Variants in SYT1 observed in about 807,000 individuals in gnomAD.
SYT1 encodes synaptotagmin 1.
In SYT1, 8 loss-of-function variants were observed where a neutral mutation model predicts 44.8. The ratio of observed to expected loss-of-function variants is 0.18; its 90% confidence interval spans 0.10 to 0.32. The LOEUF (loss-of-function observed/expected upper bound fraction) is 0.32. Among genes scored for constraint, SYT1 ranks in the 10% least tolerant of loss-of-function variants. SYT1 has a pLI of 1.00. For missense variants in SYT1, 286 were observed against 509.3 expected, an observed-to-expected ratio of 0.56 and a Z score of 4.22; for synonymous variants, 154 against 188.8, an observed-to-expected ratio of 0.82 and a Z score of 1.51.
chr12:79,111,462 A>T (rs996279916), intron 3 of SYT1, among the ~76,000 whole-genome samples: 6 of 152,016 alleles, frequency 3.9e-5, no homozygotes, highest in Admixed American at 3.9e-4. Flanking sequence ...TTTTTTATTC[A>T]TCTTAACATA....
chr12:79,146,703 G>C (rs1039006378), intron 3 of SYT1, among the ~76,000 whole-genome samples: 10 of 152,198 alleles, frequency 6.6e-5, no homozygotes, highest in Admixed American at 6.5e-4. Context: ...CTTATGAAAT[G>C]ATATGGTAGA....
intron 9 of SYT1, among the ~76,000 whole-genome samples, chr12:79,428,916 TGTA>T (rs899736102): frequency 2.0e-5 from 3 of 152,138 alleles, no homozygotes; most frequent in African/African-American, 4.8e-5. Context: ...AGCTTCCAAT[TGTA>T]GTAGAAGAAA....
chr12:79,049,158 TTATGTA>T (rs1163556310), intron 3 of SYT1, among the ~76,000 whole-genome samples: 23 of 151,924 alleles, frequency 1.5e-4, no homozygotes. Context: ...CTGCGCTGAT[TTATGTA>T]TAAGTTATTT....
intron 3 of SYT1, among the ~76,000 whole-genome samples, chr12:79,098,142 A>G (rs998101074): frequency 3.3e-5 from 5 of 152,022 alleles, no homozygotes; most frequent in African/African-American, 1.2e-4. Context: ...TTCAATATTT[A>G]TATGAATGAG....
At chr12:79,345,557 T>C (rs1882571975) in intron 8 of SYT1, among the ~76,000 whole-genome samples, 1 of 152,202 alleles carries the variant, frequency 6.6e-6, no homozygotes, top group Non-Finnish European at 1.5e-5. Context: ...ACACTCTCTT[T>C]CACCTGAACA....
intron 1 of SYT1, among the ~76,000 whole-genome samples, chr12:78,962,089 G>A (rs1249671410): frequency 6.6e-6 from 1 of 151,968 alleles, no homozygotes; most frequent in Non-Finnish European, 1.5e-5. Flanking sequence ...GTTTGGCTTG[G>A]TTTGGTTTGA....
At chr12:79,253,520 TCTCTCA>T in intron 4 of SYT1, among the ~76,000 whole-genome samples, 1 of 140,950 alleles carries the variant, frequency 7.1e-6, no homozygotes, top group African/African-American at 2.8e-5. Context: ...TCTCTCTCTC[TCTCTCA>T]CCTCAGAAAG....
rs1335505540 is a variant in SYT1 at position 79,042,457 on chromosome 12, G to A, written c.-83-4840G>A. Among the ~76,000 whole-genome samples, 22 of 141,290 alleles carry A rather than the reference G, an allele frequency of 1.6e-4. 1 individual carries two copies. The highest frequency in any genetic ancestry group is 3.7e-3 in the Middle Eastern group (1 of 268). The allele number at this position is 141,290 out of a possible 152,430, so 92.7% of individuals were successfully genotyped here. A position where few individuals can be genotyped will look rare whatever the true frequency, so the allele number is the denominator to read the frequency against. ...TCTGATGGTAGTTTGTATTTCTGTG[G>A]GATCGGTGGTGATATCCCCTTTATC... On this transcript the variant is annotated intron_variant, in intron 2 of 10. Transcript: ENST00000261205.
At chr12:79,134,006 G>A (rs1226298266) in intron 3 of SYT1, among the ~76,000 whole-genome samples, 1 of 152,000 alleles carries the variant, frequency 6.6e-6, no homozygotes, top group Admixed American at 6.6e-5. Flanking sequence ...TTGAAGTGCT[G>A]GTCATGTGGC....
chr12:79,350,246 CTTTTTTTTTTTTTT>C (rs1166413638), intron 8 of SYT1, among the ~76,000 whole-genome samples: 1 of 97,564 alleles, frequency 1.0e-5, no homozygotes, highest in African/African-American at 4.3e-5. Flanking sequence ...GATGCATATT[CTTTTTTTTTTTTTT>C]TTTTTTTTTT....
At chr12:79,308,265 C>A (rs1367118342) in intron 8 of SYT1, among the ~76,000 whole-genome samples, 2 of 152,146 alleles carry the variant, frequency 1.3e-5, no homozygotes, top group African/African-American at 4.8e-5. Context: ...TGGCTCACGC[C>A]TGTAATCCCA....
Position 79,041,747 on chromosome 12 carries a change from T to C in SYT1, c.-83-5550T>C, listed in dbSNP as rs575610882. On this transcript the variant is annotated intron_variant, in intron 2 of 10. Coordinates refer to ENST00000261205, the MANE Select transcript of SYT1 (RefSeq NM_005639.3). ...TCCAGTTTTTGCCCATTCAGTATGA[T>C]ATTGGCTGTGGGTTTGTCATAGATA... 2.4e-3 allele frequency among the ~76,000 whole-genome samples: 366 copies of C among 151,066 alleles called. 2 individuals are homozygous for C. The highest frequency in any genetic ancestry group is 0.01 in the Middle Eastern group (3 of 292).
chr12:79,353,716 A>G (rs1460450590), intron 9 of SYT1, 97 bp downstream of exon 9: 152 of 878,290 alleles, frequency 1.7e-4, no homozygotes, highest in Non-Finnish European at 3.1e-5. Flanking sequence ...TTCTTAATTG[A>G]TCACAGTTCT....
rs186354203 is a variant in SYT1 at position 78,897,395 on chromosome 12, A to G, written c.-217+32286A>G. ...ATTAAATTTTCAGTGACCAGAAGCT[A>G]GATTGTTTTGTTTTGTTTTGTTTTG... On this transcript the variant is annotated intron_variant, in intron 1 of 10. Transcript: ENST00000261205. Among the ~76,000 whole-genome samples the G allele has an allele frequency of 2.6e-5, 4 of 152,030 alleles. No individual in the cohort carries two copies. In the East Asian group the frequency reaches 7.8e-4, roughly 30 times the overall value.
At chr12:79,357,161 G>A (rs1883144602) in intron 9 of SYT1, among the ~76,000 whole-genome samples, 1 of 152,172 alleles carries the variant, frequency 6.6e-6, no homozygotes, top group African/African-American at 2.4e-5. Context: ...CATTCAAAAT[G>A]CATTGCACAA....
intron 9 of SYT1, among the ~76,000 whole-genome samples, chr12:79,414,584 T>C (rs780730349): frequency 2.0e-5 from 3 of 152,116 alleles, no homozygotes; most frequent in Non-Finnish European, 2.9e-5. Flanking sequence ...AAAACCTGTA[T>C]TCCTTATCAG....
intron 3 of SYT1, among the ~76,000 whole-genome samples, chr12:79,071,817 A>AAG (rs1876298511): frequency 2.0e-5 from 3 of 152,078 alleles, no homozygotes; most frequent in Admixed American, 1.3e-4. Context: ...CTTAAGGCCT[A>AAG]CCCTACTCAA....
chr12:79,275,805 G>A (rs2138788491), intron 4 of SYT1, among the ~76,000 whole-genome samples: 1 of 152,260 alleles, frequency 6.6e-6, no homozygotes, highest in East Asian at 1.9e-4. Context: ...AAAATACTGA[G>A]GGTGTGGGGA....
intron 3 of SYT1, among the ~76,000 whole-genome samples, chr12:79,062,002 T>C (rs565993804): frequency 6.6e-6 from 1 of 152,318 alleles, no homozygotes; most frequent in South Asian, 2.1e-4. Context: ...AATCCTTTTA[T>C]GAGCTTATGC....
Sources: allele counts gnomAD v4.1 joint callset (sites outside exome capture counted in the v4.1 genomes callset), GRCh38; gene constraint gnomAD v4.1.1; transcripts MANE v1.5; gene names NCBI Gene and HGNC (gene_info 2026-07-23, HGNC 2026-07-21).